Variants in CEP112 observed in about 807,000 individuals in gnomAD.
CEP112 encodes the protein centrosomal protein 112.
Under a neutral mutation model 153.0 loss-of-function variants are expected in CEP112, and 127 were observed. The observed-to-expected ratio is 0.83, with a 90% confidence interval of 0.72 to 0.96. The LOEUF (loss-of-function observed/expected upper bound fraction) is 0.96. CEP112 is among the 40% of genes least tolerant of loss of function. The pLI, the probability that CEP112 is intolerant of heterozygous loss-of-function variation, is 0.00. For missense variants in CEP112, 1,089 were observed against 1,101.2 expected, an observed-to-expected ratio of 0.99 and a Z score of 0.16; for synonymous variants, 358 against 374.4, an observed-to-expected ratio of 0.96 and a Z score of 0.51.
chr17:65,971,060 C>A (rs2062750807), intron 17 of CEP112, among the ~76,000 whole-genome samples: 1 of 152,320 alleles, frequency 6.6e-6, no homozygotes, highest in East Asian at 1.9e-4. Context: ...ATGTCTATTA[C>A]ATACATGCAT....
At chr17:65,812,450 T>C (rs867127275) in intron 21 of CEP112, among the ~76,000 whole-genome samples, 1 of 152,336 alleles carries the variant, frequency 6.6e-6, no homozygotes, top group Middle Eastern at 3.4e-3. Flanking sequence ...AGAATTGGCT[T>C]AAACCTCATT....
rs552500859 is a variant in CEP112, at chr17:65,927,429, T to G, written c.1980+153A>C. Among the ~76,000 whole-genome samples the G allele has an allele frequency of 3.3e-5, 5 of 152,352 alleles. No homozygotes were observed. The South Asian group carries it at 1.0e-3, about 32-fold the overall frequency. On this transcript the variant is annotated intron_variant, in intron 19 of 26. Coordinates refer to ENST00000535342, the MANE Select transcript of CEP112 (RefSeq NM_001199165.4). Reference sequence around the variant, plus strand: ...GGAGTGTTAAAATTCTGTTTATAGATTTTATTGAAACAAACATTATTTTAA... The same window carrying G: ...GGAGTGTTAAAATTCTGTTTATAGAGTTTATTGAAACAAACATTATTTTAA...
intron 11 of CEP112, among the ~76,000 whole-genome samples, chr17:66,058,848 T>C (rs1273110660): frequency 6.6e-6 from 1 of 151,988 alleles, no homozygotes; most frequent in African/African-American, 2.4e-5. Context: ...CAAGACCCTG[T>C]CTCAAAACCA....
intron 20 of CEP112, among the ~76,000 whole-genome samples, chr17:65,864,464 C>A (rs929243232): frequency 5.3e-5 from 8 of 152,128 alleles, no homozygotes; most frequent in Non-Finnish European, 1.0e-4. Context: ...GGGCAAGGAC[C>A]CTAATAACTG....
chr17:66,003,700 A>T (rs7224949), intron 17 of CEP112, among the ~76,000 whole-genome samples: 78,283 of 151,996 alleles, frequency 0.52, 21,093 homozygotes, highest in African/African-American at 0.59. Context: ...ACCAGGCCAC[A>T]GCAAGAGGTG....
At chr17:65,968,573 C>T (rs1259353859) in intron 17 of CEP112, among the ~76,000 whole-genome samples, 1 of 152,038 alleles carries the variant, frequency 6.6e-6, no homozygotes, top group African/African-American at 2.4e-5. Flanking sequence ...TATAGTGTAG[C>T]CATAATTTTT....
At chr17:65,826,166 G>C (rs1198827229) in intron 21 of CEP112, 1 of 1,614,020 alleles carries the variant, frequency 6.2e-7, no homozygotes, top group South Asian at 1.1e-5. Context: ...AGATTTTCCT[G>C]TATCCCTCAG....
chr17:66,096,766 G>C, intron 6 of CEP112, 134 bp from the exon 7 acceptor site: 1 of 644,856 alleles, frequency 1.6e-6, no homozygotes, highest in Non-Finnish European at 2.7e-6. Flanking sequence ...TTTTTAGAAT[G>C]GGTATTGTAT....
chr17:65,970,715 A>G (rs910576444), intron 17 of CEP112, among the ~76,000 whole-genome samples: 1 of 151,926 alleles, frequency 6.6e-6, no homozygotes, highest in Non-Finnish European at 1.5e-5. Context: ...TACACATGAC[A>G]TGTGCCTTTA....
At chr17:65,649,401 G>C (rs984710603) in intron 24 of CEP112, among the ~76,000 whole-genome samples, 1 of 152,014 alleles carries the variant, frequency 6.6e-6, no homozygotes, top group Admixed American at 6.6e-5. Context: ...TTTGAAGTAA[G>C]GGTGAAGCAG....
chr17:66,177,610 A>G (rs1197149966), intron 2 of CEP112, among the ~76,000 whole-genome samples: 1 of 152,172 alleles, frequency 6.6e-6, no homozygotes, highest in African/African-American at 2.4e-5. Context: ...TTATTTTTAA[A>G]TATGCCATTA....
intron 4 of CEP112, among the ~76,000 whole-genome samples, chr17:66,159,237 C>A (rs2071586916): frequency 6.6e-6 from 1 of 152,136 alleles, no homozygotes; most frequent in Non-Finnish European, 1.5e-5. Flanking sequence ...AAGCCCAGGT[C>A]CAGATGGATT....
intron 23 of CEP112, among the ~76,000 whole-genome samples, chr17:65,716,270 C>A (rs976254235): frequency 1.3e-5 from 2 of 152,088 alleles, no homozygotes; most frequent in African/African-American, 4.8e-5. Flanking sequence ...AATTCTTTTG[C>A]CTCAGCCTCT....
intron 12 of CEP112, among the ~76,000 whole-genome samples, chr17:66,040,816 G>A (rs1478579037): frequency 6.6e-6 from 1 of 151,906 alleles, no homozygotes; most frequent in Non-Finnish European, 1.5e-5. Context: ...TGATACCTTT[G>A]GTGATCAAAA....
At chr17:66,149,884 GTTTGTTTTTTT>G (rs2071108747) in intron 4 of CEP112, among the ~76,000 whole-genome samples, 2 of 46,838 alleles carry the variant, frequency 4.3e-5, no homozygotes, top group Non-Finnish European at 3.7e-5. Context: ...TTTTTTGTTT[GTTTGTTTTTTT>G]TTTTTTTTTT....
chr17:66,021,140 G>A (rs2064985241), intron 16 of CEP112, among the ~76,000 whole-genome samples: 1 of 152,116 alleles, frequency 6.6e-6, no homozygotes, highest in Non-Finnish European at 1.5e-5. Flanking sequence ...GTGTGAAAAG[G>A]AATGATACCA....
chr17:66,153,252 C>T (rs754845642), intron 4 of CEP112, among the ~76,000 whole-genome samples: 14 of 152,080 alleles, frequency 9.2e-5, no homozygotes, highest in Non-Finnish European at 1.9e-4. Flanking sequence ...AAAACAGCAA[C>T]ATTCATAATA....
chr17:65,951,695 C>T (rs1329543448), intron 18 of CEP112, among the ~76,000 whole-genome samples: 1 of 147,542 alleles, frequency 6.8e-6, no homozygotes, highest in African/African-American at 2.5e-5. Context: ...ATTAATTTTC[C>T]ATATTTTTAT....
At chr17:66,137,873 A>C (rs560818443) in intron 4 of CEP112, among the ~76,000 whole-genome samples, 1 of 152,334 alleles carries the variant, frequency 6.6e-6, no homozygotes, top group East Asian at 1.9e-4. Flanking sequence ...AAACACATGA[A>C]AATATGAAAC....
Sources: allele counts gnomAD v4.1 joint callset (sites outside exome capture counted in the v4.1 genomes callset), GRCh38; gene constraint gnomAD v4.1.1; transcripts MANE v1.5; gene names NCBI Gene and HGNC (gene_info 2026-07-23, HGNC 2026-07-21).